C10orf105: variants seen among roughly 807,000 people sequenced by gnomAD.
C10orf105 encodes the protein chromosome 10 open reading frame 105.
A neutral mutation model predicts 0.6 loss-of-function variants in C10orf105; 2 were observed. The observed-to-expected ratio is 3.18, with a 90% CI of 1.30 to 10.01. C10orf105 has a LOEUF of 10.01. C10orf105 is among the 30% of genes most tolerant of loss of function. The probability of loss-of-function intolerance (pLI) is 0.04; values close to 1 mark genes in which losing one functional copy is unlikely to be tolerated. For missense variants in C10orf105, 209 were observed against 191.4 expected, an observed-to-expected ratio of 1.09 and a Z score of -0.54; for synonymous variants, 95 against 82.4, an observed-to-expected ratio of 1.15 and a Z score of -0.83.
At chr10:71,728,365 G>A (rs1042852463) in intron 1 of C10orf105, among the ~76,000 whole-genome samples, 2 of 152,068 alleles carry the variant, frequency 1.3e-5, no homozygotes, top group East Asian at 3.9e-4. Context: ...GGGAACCCTA[G>A]AAGCAGCGAT....
At position 71,733,821 on chromosome 10, in the gene C10orf105, G is replaced by C. The variant is rs1030297956; in HGVS notation, c.-6+3907C>G. Among the ~76,000 whole-genome samples, 6 of 152,220 alleles carry C rather than the reference G, an allele frequency of 3.9e-5. No homozygotes were observed. The South Asian group carries it at 8.3e-4, about 21-fold the overall frequency. The stretch of plus-strand genomic sequence containing the variant: ...AATTCCTTCTTTGAAAGTAGGCAAG[G>C]TGTGAATCACTACAACGTGACAGGC... On this transcript the variant is annotated intron_variant, in intron 1 of 1. Coordinates refer to the C10orf105 transcript ENST00000398786.
At chr10:71,725,463 CGTGCTGATA>C in intron 1 of C10orf105, 1 of 1,614,006 alleles carries the variant, frequency 6.2e-7, no homozygotes, top group South Asian at 1.1e-5. Context: ...ACTCATCCCA[CGTGCTGATA>C]GTGGAGGCCT....
chr10:71,723,692 A>G (rs1866670164), upstream of C10orf105, among the ~76,000 whole-genome samples: 1 of 152,196 alleles, frequency 6.6e-6, no homozygotes, highest in Non-Finnish European at 1.5e-5. Context: ...GGGCTCTGAA[A>G]GGCTGCCGGG....
At chr10:71,737,717 C>A (rs1461174363) in intron 1 of C10orf105, 3 of 470,906 alleles carry the variant, frequency 6.4e-6, no homozygotes, top group Non-Finnish European at 1.3e-5. Flanking sequence ...CATCAGTGAA[C>A]CCCTGGGTAC....
chr10:71,712,066 C>T lies in C10orf105; in HGVS notation c.*3870G>A, dbSNP rs1488145487. ...CCAAAGGCTCTAGAGAGAATCAGTC[C>T]TTGACCGTCCCAGTTTCTGGAGTCG... On this transcript the variant is annotated 3_prime_UTR_variant, in exon 2 of 2. Coordinates refer to ENST00000441508, the MANE Select transcript of C10orf105 (RefSeq NM_001164375.3). 1 of 153,368 alleles carries T rather than the reference C, an allele frequency of 6.5e-6. No homozygotes were observed. The highest frequency in any genetic ancestry group is 2.4e-5 in the African/African-American group (1 of 41,430). The allele number at this position is 153,368 out of a possible 1,614,324, so 9.5% of individuals were successfully genotyped here.
intron 1 of C10orf105, chr10:71,731,884 T>G: frequency 7.7e-7 from 1 of 1,299,604 alleles, no homozygotes; most frequent in South Asian, 1.5e-5. Flanking sequence ...CAGCCCATGC[T>G]GGGTGGGCCA....
chr10:71,725,927 C>T (rs1298578031), intron 1 of C10orf105, among the ~76,000 whole-genome samples: 2 of 151,160 alleles, frequency 1.3e-5, no homozygotes, highest in Non-Finnish European at 3.0e-5. Context: ...AGAATCAGGA[C>T]TGGAGCCCCC....
chr10:71,734,449 C>T (rs879733209), intron 1 of C10orf105: 14 of 1,481,640 alleles, frequency 9.4e-6, no homozygotes, highest in East Asian at 7.3e-5. Context: ...AGGCAGCGGG[C>T]GAGGGTCTTG....
intron 1 of C10orf105, chr10:71,725,362 C>G: frequency 6.2e-7 from 1 of 1,613,998 alleles, no homozygotes; most frequent in Non-Finnish European, 8.5e-7. Context: ...GGGTCTGTCC[C>G]TCCACACAGG....
chr10:71,715,918 A>G lies in C10orf105; in HGVS notation c.*18T>C. The G allele has an allele frequency of 6.9e-7, 1 of 1,447,468 alleles. No individual in the cohort carries two copies. Among genetic ancestry groups the G allele is most frequent in the Non-Finnish European group, 9.1e-7 (1 of 1,097,520 alleles). The allele number at this position is 1,447,468 out of a possible 1,614,324, so 89.7% of individuals were successfully genotyped here. ...GGTAGACCTAGGGGGATGTGGGGGC[A>G]TGTTTGTGGACACCCCATTACATCT... On this transcript the variant is annotated 3_prime_UTR_variant, in exon 2 of 2. Coordinates refer to ENST00000441508, the MANE Select transcript of C10orf105 (RefSeq NM_001164375.3).
chr10:71,733,346 T>C (rs1478824540), intron 1 of C10orf105, among the ~76,000 whole-genome samples: 1 of 152,234 alleles, frequency 6.6e-6, no homozygotes, highest in Admixed American at 6.5e-5. Context: ...GGGATGTCTA[T>C]GGAGGCTTCA....
rs994140481 is a variant in C10orf105 at position 71,716,140 on chromosome 10, C to T, written c.198G>A (p.Pro66=). 47 of 1,550,054 alleles carry T rather than the reference C, an allele frequency of 3.0e-5. No individual in the cohort carries two copies. Among genetic ancestry groups the T allele is most frequent in the Non-Finnish European group, 3.8e-5 (43 of 1,146,524 alleles). Residue 66 remains proline, a synonymous_variant, in exon 2 of 2, where the codon CCG becomes CCA. Transcript: ENST00000441508. ...MTLCKPAALD[P]SRRRAHECMP... ...TGCACTCGTGAGCCCTGCGGCGGCTCGGGTCCAGCGCGGCCGGCTTGCAGA... is the reference window on the plus strand; with the variant it reads ...TGCACTCGTGAGCCCTGCGGCGGCTTGGGTCCAGCGCGGCCGGCTTGCAGA...
chr10:71,719,202 G>A (rs1866435071), intron 1 of C10orf105, among the ~76,000 whole-genome samples: 1 of 152,228 alleles, frequency 6.6e-6, no homozygotes, highest in Non-Finnish European at 1.5e-5. Flanking sequence ...CACGAGGCAA[G>A]TCCAGCTGCC....
At position 71,731,949 on chromosome 10, in the gene C10orf105, TC is replaced by T. The variant is rs1253680414; in HGVS notation, c.-6+5778del. The stretch of plus-strand genomic sequence containing the variant: ...AAGCCACAGCGCAGCCCCACTCAGT[TC>T]TATCTGGGACTGCACAGCCTCTGTG... On this transcript the variant is annotated intron_variant, in intron 1 of 1. Transcript: ENST00000398786. 5 of 1,594,664 alleles carry T rather than the reference TC, an allele frequency of 3.1e-6. No individual in the cohort carries two copies. The South Asian group carries it at 5.7e-5, about 18-fold the overall frequency.
At chr10:71,735,198 G>A (rs1029748406) in intron 1 of C10orf105, among the ~76,000 whole-genome samples, 2 of 152,198 alleles carry the variant, frequency 1.3e-5, no homozygotes, top group Non-Finnish European at 2.9e-5. Context: ...TCTCCTGGGG[G>A]TTGGTGCAAG....
intron 1 of C10orf105, among the ~76,000 whole-genome samples, chr10:71,725,876 T>C (rs1866786519): frequency 1.3e-5 from 2 of 152,322 alleles, no homozygotes; most frequent in South Asian, 4.1e-4. Context: ...AACCTCATTT[T>C]ACAGATGAGA....
chr10:71,730,004 T>A (rs1464006448), intron 1 of C10orf105, among the ~76,000 whole-genome samples: 1 of 151,964 alleles, frequency 6.6e-6, no homozygotes, highest in Non-Finnish European at 1.5e-5. Flanking sequence ...CCGGCTAATT[T>A]TTTGTATTTT....
upstream of C10orf105, among the ~76,000 whole-genome samples, chr10:71,720,884 T>C (rs896561150): frequency 2.0e-5 from 3 of 152,130 alleles, no homozygotes; most frequent in Non-Finnish European, 2.9e-5. Context: ...ACTTGGTGTT[T>C]CCCCTGTGCT....
chr10:71,731,631 A>G (rs1451570722), intron 1 of C10orf105, among the ~76,000 whole-genome samples: 1 of 152,186 alleles, frequency 6.6e-6, no homozygotes, highest in African/African-American at 2.4e-5. Context: ...TCTAGATCAA[A>G]GCCTCCACTA....
Sources: gnomAD v4.1 joint callset for allele counts (sites outside exome capture counted in the v4.1 genomes callset) on GRCh38, gnomAD v4.1.1 for gene constraint, MANE v1.5 for transcripts, NCBI Gene and HGNC (gene_info 2026-07-23, HGNC 2026-07-21) for gene names.